RNF213: variants seen among roughly 807,000 people sequenced by gnomAD.
The protein encoded by RNF213 is E3 ubiquitin-protein ligase RNF213.
Under a neutral mutation model 514.4 loss-of-function variants are expected in RNF213, and 341 were observed. That is an observed-to-expected ratio of 0.66 (90% CI 0.61 to 0.73). The LOEUF is 0.73. Among genes scored for constraint, RNF213 ranks in the 30% least tolerant of loss-of-function variants. The probability of loss-of-function intolerance (pLI) is 0.00; values close to 1 mark genes in which losing one functional copy is unlikely to be tolerated. For synonymous variants in RNF213, 2,655 were observed against 2,658.2 expected (o/e 1.00, Z 0.04); for missense variants, 5,767 against 6,615.6 (o/e 0.87, Z 4.45).
At chr17:80,308,875 T>C in intron 13 of RNF213, 143 bp from the exon 14 acceptor site, 5 of 983,252 alleles carry the variant, frequency 5.1e-6, no homozygotes, top group Non-Finnish European at 7.9e-6. Flanking sequence ...CTGACTGAGA[T>C]TTTCCAGACG....
chr17:80,309,578 A>G (rs1487367339), intron 14 of RNF213, among the ~76,000 whole-genome samples: 1 of 152,128 alleles, frequency 6.6e-6, no homozygotes, highest in Non-Finnish European at 1.5e-5. Flanking sequence ...ATGTCCAAAC[A>G]TGGTCTTTCC....
At position 80,340,302 on chromosome 17, in the gene RNF213, G is replaced by A. The variant is rs554464121; in HGVS notation, c.5935G>A (p.Val1979Met). Residue 1979 changes from valine to methionine, a missense_variant, in exon 26 of 68, where the codon GTG becomes ATG. This residue lies in a region of RNF213 where 1,377 missense variants were observed against 1,635.2 expected (regional missense o/e 0.84). Coordinates refer to ENST00000582970, the MANE Select transcript of RNF213 (RefSeq NM_001256071.3). ...VPKQTLSAAAVFNDRLCVGIV... is the reference protein window; with the variant it reads ...VPKQTLSAAAMFNDRLCVGIV... ...GAAGCAGACCCTGTCGGCGGCAGCC[G>A]TGTTCAATGACCGGCTGTGTGTTGG... 56 of 1,613,820 alleles carry A rather than the reference G, an allele frequency of 3.5e-5. No homozygotes were observed. In the Middle Eastern group the frequency reaches 4.9e-4, roughly 14 times the overall value.
At chr17:80,358,713 G>A (rs553086263) in intron 37 of RNF213, among the ~76,000 whole-genome samples, 31 of 152,212 alleles carry the variant, frequency 2.0e-4, no homozygotes, top group African/African-American at 7.5e-4. Context: ...GATCAAGACC[G>A]TCCTGGCCAA....
chr17:80,394,252 T>C lies in RNF213; in HGVS notation c.*754T>C, dbSNP rs557394559. The C allele has an allele frequency of 6.6e-6, 1 of 152,398 alleles. No individual in the cohort carries two copies. The highest frequency in any genetic ancestry group is 2.4e-5 in the African/African-American group (1 of 41,586). The allele number at this position is 152,398 out of a possible 1,614,324, so 9.4% of individuals were successfully genotyped here. A position where few individuals can be genotyped will look rare whatever the true frequency, so the allele number is the denominator to read the frequency against. On this transcript the variant is annotated 3_prime_UTR_variant, in exon 68 of 68. Coordinates refer to ENST00000582970, the MANE Select transcript of RNF213 (RefSeq NM_001256071.3). ...CTTCTGATCTGACATTTTGAAATTG[T>C]GAGAGAAACTAGATGACTGTAAACT...
chr17:80,292,623 G>A (rs951697726), intron 8 of RNF213, among the ~76,000 whole-genome samples: 2 of 151,780 alleles, frequency 1.3e-5, no homozygotes, highest in Non-Finnish European at 2.9e-5. Context: ...CAATAGACGC[G>A]GGCGCTTCCC....
At position 80,345,531 on chromosome 17, in the gene RNF213, A is replaced by G. The variant is rs2078280397; in HGVS notation, c.7196A>G (p.Asn2399Ser). Residue 2399 changes from asparagine (N) to serine (S), a missense_variant, in exon 29 of 68, where the codon AAT becomes AGT. Coordinates refer to ENST00000582970, the MANE Select transcript of RNF213 (RefSeq NM_001256071.3). The surrounding 1 kb of genome is among the most constrained non-coding windows in gnomAD (Gnocchi z 6.0). ...PDKTYELTTD[N>S]MLKILAIEMR... ...AAAACGTATGAGCTCACAACCGACA[A>G]TATGCTTAAAATCCTTGCCATCGAG... 4 of 1,613,026 alleles carry G rather than the reference A, an allele frequency of 2.5e-6. No homozygotes were observed. The South Asian group carries it at 3.3e-5, about 13-fold the overall frequency.
chr17:80,283,554 G>A (rs940538699), intron 3 of RNF213, among the ~76,000 whole-genome samples: 1 of 152,244 alleles, frequency 6.6e-6, no homozygotes, highest in Non-Finnish European at 1.5e-5. Context: ...CCCGGGCTCT[G>A]CCCAACCTCC....
At chr17:80,290,759 C>A in intron 7 of RNF213, 31 bp downstream of exon 7, 1 of 1,613,710 alleles carries the variant, frequency 6.2e-7, no homozygotes, top group Non-Finnish European at 8.5e-7. Flanking sequence ...GGGAGGAATC[C>A]CTCAGGGAAG....
At chr17:80,276,718 G>A (rs2044070464) in intron 3 of RNF213, among the ~76,000 whole-genome samples, 1 of 151,916 alleles carries the variant, frequency 6.6e-6, no homozygotes, top group Non-Finnish European at 1.5e-5. Flanking sequence ...CGCTGCAGCC[G>A]TTAAGGAAGC....
rs1244247808 is a variant in RNF213 at position 80,313,163 on chromosome 17, T to C, written c.2807T>C (p.Ile936Thr). The change falls in exon 15 of 68, where the codon ATT becomes ACT. Residue 936 changes from isoleucine (I) to threonine (T), a missense_variant. By Grantham distance (89) the Ile-to-Thr change is moderately conservative. Coordinates refer to ENST00000582970, the MANE Select transcript of RNF213 (RefSeq NM_001256071.3). ...SGASFTYVKEIEVWRRLVEIQ... is the reference protein window; with the variant it reads ...SGASFTYVKETEVWRRLVEIQ... ...GCCTCATTCACATACGTCAAGGAAA[T>C]TGAGGTAGGCATTTGGCCGAAGGCT... 6.2e-7 allele frequency: 1 copy of C among 1,614,022 alleles called. No homozygotes were observed. The highest frequency in any genetic ancestry group is 8.5e-7 in the Non-Finnish European group (1 of 1,180,026).
intron 3 of RNF213, among the ~76,000 whole-genome samples, chr17:80,280,380 C>G (rs1200730688): frequency 6.6e-6 from 1 of 152,172 alleles, no homozygotes; most frequent in Non-Finnish European, 1.5e-5. Context: ...TCTGCTGTCA[C>G]CCAGAATGAC....
In RNF213 at chr17:80,327,851, G is replaced by A. The variant is rs1354305497; in HGVS notation, c.3229G>A (p.Asp1077Asn). ...GAAAATACTAGCAAATGTCACAGAG[G>A]ATGCCAAGAGGCTGATAGCTGTTGC... ...DEKILANVTE[D>N]AKRLIAVADS... The change falls in exon 19 of 68, where the codon GAT (aspartate) becomes AAT (asparagine). Residue 1077 changes from aspartate to asparagine, a missense_variant. Physicochemically the swap from Asp to Asn is conservative, Grantham distance 23. Transcript: ENST00000582970. 2.0e-6 allele frequency: 3 copies of A among 1,537,056 alleles called. No individual in the cohort carries two copies. The East Asian group carries it at 7.3e-5, about 38-fold the overall frequency.
In RNF213 at chr17:80,368,138, G is replaced by A. The variant is rs745666956; in HGVS notation, c.12150G>A (p.Ala4050=). ...AATTCTCTCCAGCTGTTTCCCAAGCGCACAGGTACAACACCCTTTCTCTCA... is the reference window on the plus strand; with the variant it reads ...AATTCTCTCCAGCTGTTTCCCAAGCACACAGGTACAACACCCTTTCTCTCA... ...PDEFSPAVSQ[A]HREAIEKHAR... The change falls in exon 44 of 68, where the codon GCG becomes GCA. Residue 4050 remains alanine, a synonymous_variant. Transcript: ENST00000582970. 5.8e-5 allele frequency: 94 copies of A among 1,614,126 alleles called. 1 individual carries two copies. Among genetic ancestry groups the A allele is most frequent in the Non-Finnish European group, 7.1e-5 (84 of 1,179,988 alleles).
At chr17:80,331,883 C>T in intron 20 of RNF213, 123 bp from the exon 21 acceptor site, 1 of 1,164,976 alleles carries the variant, frequency 8.6e-7, no homozygotes, top group Non-Finnish European at 1.2e-6. Context: ...AGAAAGAAAT[C>T]CTAGCAGCTG....
chr17:80,372,379 T>C (rs1664461092), intron 47 of RNF213, 142 bp from the exon 48 acceptor site: 2 of 680,284 alleles, frequency 2.9e-6, no homozygotes, highest in African/African-American at 3.6e-5. Flanking sequence ...TAGGTTTCCA[T>C]AAGTCAAGAA....
chr17:80,272,710 G>T (rs2043865973), intron 2 of RNF213, among the ~76,000 whole-genome samples: 2 of 152,174 alleles, frequency 1.3e-5, no homozygotes, highest in South Asian at 4.1e-4. Flanking sequence ...TGAGTGTGGG[G>T]CTGGCAGAGT....
In RNF213 at chr17:80,388,590, ACT is replaced by A; in HGVS notation, c.14923-21_14923-20del. The A allele has an allele frequency of 1.3e-6, 2 of 1,544,976 alleles. No individual in the cohort carries two copies. Among genetic ancestry groups the A allele is most frequent in the South Asian group, 1.1e-5 (1 of 89,678 alleles). ...TCCACGATGGATTTAATTTTAAAAA[ACT>A]TTTTTCTTTCCCAATTTAGGGAATA... On this transcript the variant is annotated intron_variant, in intron 63 of 67. Transcript: ENST00000582970.
intron 3 of RNF213, among the ~76,000 whole-genome samples, chr17:80,273,613 CTTTT>C (rs56957242): frequency 2.0e-4 from 20 of 97,598 alleles, no homozygotes; most frequent in Admixed American, 5.7e-4. Flanking sequence ...CCTCCACCGT[CTTTT>C]TTTTTTTTTT....
At position 80,295,650 on chromosome 17, in the gene RNF213, A is replaced by T; in HGVS notation, c.1849A>T (p.Arg617Trp). 1 of 1,614,192 alleles carries T rather than the reference A, an allele frequency of 6.2e-7. No homozygotes were observed. Among genetic ancestry groups the T allele is most frequent in the East Asian group, 2.2e-5 (1 of 44,890 alleles). Residue 617 changes from arginine to tryptophan, a missense_variant, in exon 10 of 68, where the codon AGG (arginine) becomes TGG (tryptophan). By Grantham distance (101) the Arg-to-Trp change is moderately radical. Coordinates refer to ENST00000582970, the MANE Select transcript of RNF213 (RefSeq NM_001256071.3). ...CTTTTTGCCTGTGGACTGCCCAGTG[A>T]GGAGTAAACTGAAAACAGGCCTGAT... The part of the protein sequence containing the change: ...TDFLPVDCPV[R>W]SKLKTGLIVL...
Sources: gnomAD v4.1 joint callset for allele counts (sites outside exome capture counted in the v4.1 genomes callset) on GRCh38, gnomAD v4.1.1 for gene constraint, gnomAD v4.1.1 regional missense constraint, Gnocchi (gnomAD v3.1) non-coding constraint, MANE v1.5 for transcripts, NCBI Gene and HGNC (gene_info 2026-07-23, HGNC 2026-07-21) for gene names.